MMP26: variants seen among roughly 807,000 people sequenced by gnomAD.
MMP26 encodes the protein matrix metallopeptidase 26.
Under a neutral mutation model 31.0 loss-of-function variants are expected in MMP26, and 33 were observed. The ratio of observed to expected loss-of-function variants is 1.06; its 90% confidence interval spans 0.81 to 1.42. The LOEUF is 1.42. Among genes scored for constraint, MMP26 ranks in the 40% most tolerant of loss-of-function variants. The pLI is 0.00. For missense variants in MMP26, 347 were observed against 316.1 expected (o/e 1.10, Z -0.74); for synonymous variants, 122 against 114.9 (o/e 1.06, Z -0.40).
intron 2 of MMP26, chr11:4,908,544 C>G: frequency 1.9e-6 from 1 of 536,072 alleles, no homozygotes; most frequent in Non-Finnish European, 3.3e-6. Flanking sequence ...AAGGAAAATA[C>G]TTCTGTGATG....
At chr11:4,949,899 C>A (rs1404158066) in intron 2 of MMP26, among the ~76,000 whole-genome samples, 1 of 122,832 alleles carries the variant, frequency 8.1e-6, no homozygotes, top group East Asian at 2.3e-4. Context: ...ATACCCATTT[C>A]AGGTACCCAG....
intron 1 of MMP26, chr11:4,711,815 C>A (rs907248792): frequency 6.6e-6 from 1 of 152,130 alleles, no homozygotes; most frequent in Non-Finnish European, 1.5e-5. Flanking sequence ...GAAAGAGTAA[C>A]ACTTTTCTGG....
At chr11:4,836,608 T>C (rs1256885710) in intron 2 of MMP26, among the ~76,000 whole-genome samples, 2 of 149,356 alleles carry the variant, frequency 1.3e-5, no homozygotes, top group Non-Finnish European at 3.0e-5. Context: ...TTTTAGAAAA[T>C]AGTATAAGAG....
chr11:4,752,018 G>A (rs1848452665), intron 1 of MMP26: 1 of 152,120 alleles, frequency 6.6e-6, no homozygotes, highest in Non-Finnish European at 1.5e-5. Context: ...AGCCTTTATA[G>A]GAGTAGTACA....
chr11:4,759,187 T>C (rs1848542556), intron 1 of MMP26, among the ~76,000 whole-genome samples: 2 of 149,714 alleles, frequency 1.3e-5, no homozygotes, highest in South Asian at 4.2e-4. Context: ...AAGGGACTAG[T>C]AGTTAATACA....
intron 2 of MMP26, chr11:4,876,780 C>G (rs1850385014): frequency 6.6e-6 from 1 of 152,648 alleles, no homozygotes; most frequent in African/African-American, 2.4e-5. Context: ...TGACCTCAGC[C>G]TTTCACTGTC....
chr11:4,831,754 C>G (rs753218554), intron 2 of MMP26, among the ~76,000 whole-genome samples: 4 of 152,014 alleles, frequency 2.6e-5, no homozygotes, highest in Non-Finnish European at 4.4e-5. Context: ...TGACCACATG[C>G]GTGATAGTAG....
At chr11:4,946,119 T>A (rs1220494002) in intron 2 of MMP26, 1 of 1,557,566 alleles carries the variant, frequency 6.4e-7, no homozygotes, top group Non-Finnish European at 8.8e-7. Flanking sequence ...ACCTTAAATA[T>A]CTTACCAGAC....
chr11:4,923,888 A>C lies in MMP26; in HGVS notation c.-144-64180A>C, dbSNP rs1462525204. The C allele has an allele frequency of 1.9e-6, 3 of 1,613,942 alleles. No homozygotes were observed. The African/African-American group carries it at 4.0e-5, about 22-fold the overall frequency. On this transcript the variant is annotated intron_variant, in intron 2 of 7. Transcript: ENST00000380390. ...GAGGATGAGGAGAGCACTTCTAAGC[A>C]CTGAGCTTAGCCCCATCTTGACAAT... is the stretch of plus-strand genomic sequence containing the variant.
intron 2 of MMP26, among the ~76,000 whole-genome samples, chr11:4,975,774 T>C (rs1009033710): frequency 1.3e-5 from 2 of 152,012 alleles, no homozygotes; most frequent in Non-Finnish European, 2.9e-5. Flanking sequence ...CCTCTTTTGA[T>C]TTCCTCCCAA....
intron 2 of MMP26, chr11:4,849,318 T>A: frequency 8.6e-7 from 1 of 1,165,810 alleles, no homozygotes; most frequent in Non-Finnish European, 1.2e-6. Flanking sequence ...CATCTTCCCT[T>A]CCCTGACTCA....
intron 2 of MMP26, among the ~76,000 whole-genome samples, chr11:4,773,037 T>C (rs1225152794): frequency 1.3e-5 from 2 of 152,228 alleles, no homozygotes; most frequent in Non-Finnish European, 2.9e-5. Context: ...AATCAAATCA[T>C]TTTATAAGTC....
intron 2 of MMP26, among the ~76,000 whole-genome samples, chr11:4,865,528 A>G (rs1461602733): frequency 1.3e-5 from 2 of 152,026 alleles, no homozygotes. Flanking sequence ...ATTCTTGAAA[A>G]CCTTTACAAC....
rs147049725 is a variant in MMP26, at chr11:4,806,951, G to C, written c.-145+39610G>C. Among the ~76,000 whole-genome samples, 131 of 152,190 alleles carry C rather than the reference G, an allele frequency of 8.6e-4. 1 individual carries two copies. Among genetic ancestry groups the C allele is most frequent in the African/African-American group, 3.1e-3 (130 of 41,518 alleles). ...TCACCCTCAAATTGTCGTGGGGACA[G>C]TCCCCCAGCTTCAGGGGTACCTTGA... On this transcript the variant is annotated intron_variant, in intron 2 of 7. Transcript: ENST00000380390.
Position 4,882,047 on chromosome 11 carries a change from G to C in MMP26, c.-144-106021G>C, listed in dbSNP as rs758190215. ...CTTGGGAAACAGTATGATCTTTCTT[G>C]TCATCATTACTAAGCGGAGACTCCA... On this transcript the variant is annotated intron_variant, in intron 2 of 7. Coordinates refer to ENST00000380390, the MANE Select transcript of MMP26 (RefSeq NM_021801.5). The C allele has an allele frequency of 4.3e-6, 7 of 1,613,628 alleles. No homozygotes were observed. In the African/African-American group the frequency reaches 8.0e-5, roughly 18 times the overall value.
intron 2 of MMP26, among the ~76,000 whole-genome samples, chr11:4,884,214 T>A (rs958671916): frequency 6.6e-6 from 1 of 152,098 alleles, no homozygotes; most frequent in Non-Finnish European, 1.5e-5. Context: ...ACTCACACAC[T>A]TTTTAGGTGA....
intron 2 of MMP26, among the ~76,000 whole-genome samples, chr11:4,815,521 T>G (rs1358971732): frequency 1.3e-5 from 2 of 151,874 alleles, no homozygotes; most frequent in Non-Finnish European, 2.9e-5. Flanking sequence ...GATTTTGGAG[T>G]CTTTAGATTT....
chr11:4,795,349 C>T (rs1315169553), intron 2 of MMP26: 1 of 152,108 alleles, frequency 6.6e-6, no homozygotes, highest in Non-Finnish European at 1.5e-5. Context: ...ATGACTGCTG[C>T]CCTAACATTT....
chr11:4,797,986 A>G (rs539304692), intron 2 of MMP26, among the ~76,000 whole-genome samples: 1 of 152,326 alleles, frequency 6.6e-6, no homozygotes, highest in South Asian at 2.1e-4. Flanking sequence ...CTCATCTACA[A>G]AGTGGAATTG....
Sources: allele counts gnomAD v4.1 joint callset (sites outside exome capture counted in the v4.1 genomes callset), GRCh38; gene constraint gnomAD v4.1.1; transcripts MANE v1.5; gene names NCBI Gene and HGNC (gene_info 2026-07-23, HGNC 2026-07-21).